Variants in UNC13A observed in about 807,000 individuals in gnomAD.
UNC13A encodes protein unc-13 homolog A.
UNC13A carries 61 observed loss-of-function variants against 219.7 expected under a neutral mutation model. The ratio of observed to expected loss-of-function variants is 0.28; its 90% CI spans 0.23 to 0.34. The LOEUF (loss-of-function observed/expected upper bound fraction) is 0.34, where lower values mean the gene tolerates loss of function less well. Among genes scored for constraint, UNC13A ranks in the 10% least tolerant of loss-of-function variants. The pLI, the probability that UNC13A is intolerant of heterozygous loss-of-function variation, is 1.00. For missense variants in UNC13A, 1,476 were observed against 2,270.3 expected (o/e 0.65, Z 7.11); for synonymous variants, 920 against 884.6 (o/e 1.04, Z -0.71).
intron 38 of UNC13A, 114 bp downstream of exon 38, chr19:17,620,579 C>G: frequency 1.0e-6 from 1 of 964,466 alleles, no homozygotes; most frequent in Non-Finnish European, 1.5e-6. Flanking sequence ...GACCAACAGA[C>G]AGGTTCACAG....
chr19:17,666,146 TTCCTC>T (rs1419741235), intron 7 of UNC13A, among the ~76,000 whole-genome samples: 14 of 151,020 alleles, frequency 9.3e-5, no homozygotes, highest in African/African-American at 3.2e-4. Flanking sequence ...CTTTCTTTCT[TTCCTC>T]TCCTCTCCTT....
chr19:17,661,893 A>G (rs573919496), intron 8 of UNC13A, among the ~76,000 whole-genome samples: 1 of 152,078 alleles, frequency 6.6e-6, no homozygotes, highest in Non-Finnish European at 1.5e-5. Flanking sequence ...GTTGCTCCCC[A>G]TCACTCACAT....
chr19:17,619,591 A>G (rs1282097020), intron 38 of UNC13A, among the ~76,000 whole-genome samples: 1 of 151,906 alleles, frequency 6.6e-6, no homozygotes, highest in Admixed American at 6.6e-5. Flanking sequence ...CACCATATCC[A>G]GCTAGTTTTT....
At chr19:17,675,982 C>A in intron 2 of UNC13A, 30 bp downstream of exon 2, 1 of 1,550,610 alleles carries the variant, frequency 6.4e-7, no homozygotes, top group African/African-American at 1.4e-5. Flanking sequence ...ACAGACAACA[C>A]GGGACAGGAC....
At position 17,688,076 on chromosome 19, in the gene UNC13A, C is replaced by G. The variant is rs2080148714; in HGVS notation, c.22+102G>C. The G allele has an allele frequency of 2.8e-6, 4 of 1,420,420 alleles. No homozygotes were observed. The South Asian group carries it at 5.5e-5, about 20-fold the overall frequency. 88.0% of individuals were successfully genotyped at this position (1,420,420 alleles called of 1,614,324 possible). ...CCTCTCAAAAGTCCAGCCACCTGGA[C>G]TCGGGTCACCCCCCAGGAACCCCCT... On this transcript the variant is annotated intron_variant, in intron 1 of 43. Coordinates refer to ENST00000519716, the MANE Select transcript of UNC13A (RefSeq NM_001080421.3).
At chr19:17,686,254 C>T (rs1446884464) in intron 1 of UNC13A, among the ~76,000 whole-genome samples, 2 of 148,688 alleles carry the variant, frequency 1.3e-5, no homozygotes, top group Non-Finnish European at 3.0e-5. Context: ...GCCACCCCCG[C>T]AGCCGAGCCT....
chr19:17,620,790 C>T (rs1474766921), intron 37 of UNC13A, 68 bp from the exon 38 acceptor site: 2 of 1,566,712 alleles, frequency 1.3e-6, no homozygotes, highest in Non-Finnish European at 1.8e-6. Context: ...TGGGACTTCC[C>T]TGCCCCCTCA....
chr19:17,619,710 G>A (rs2076707816), intron 38 of UNC13A, among the ~76,000 whole-genome samples: 1 of 152,100 alleles, frequency 6.6e-6, no homozygotes, highest in African/African-American at 2.4e-5. Flanking sequence ...TGGGATTACA[G>A]GCGTGAGCCA....
intron 35 of UNC13A, among the ~76,000 whole-genome samples, chr19:17,624,081 C>A (rs1197319042): frequency 6.6e-6 from 1 of 151,900 alleles, no homozygotes; most frequent in Admixed American, 6.6e-5. Context: ...TTGAATGAGC[C>A]CCAAAGCCCT....
intron 38 of UNC13A, 170 bp from the exon 39 acceptor site, chr19:17,619,132 T>G: frequency 1.6e-6 from 1 of 640,542 alleles, no homozygotes; most frequent in Non-Finnish European, 2.7e-6. Context: ...GTGGTGACCT[T>G]GTCCCTGAAA....
chr19:17,632,687 G>A (rs2076869325), intron 28 of UNC13A, 95 bp downstream of exon 28: 7 of 1,575,514 alleles, frequency 4.4e-6, no homozygotes, highest in Non-Finnish European at 6.1e-6. Context: ...TGATGCCCAG[G>A]TAACCCTAAG....
At position 17,627,452 on chromosome 19, in the gene UNC13A, T is replaced by A. The variant is rs1216370864; in HGVS notation, c.3920+57A>T. On this transcript the variant is annotated intron_variant, in intron 33 of 43. Coordinates refer to ENST00000519716, the MANE Select transcript of UNC13A (RefSeq NM_001080421.3). This position sits in a 1 kb window ranked among gnomAD's most constrained non-coding sequence, Gnocchi z 4.7. ...TGCTGAGCCTCCAGATGCCCCAGGC[T>A]TAGAGGGCTGAAGGCTGTTCCCTCC... is the stretch of plus-strand genomic sequence containing the variant. The A allele has an allele frequency of 7.2e-7, 1 of 1,379,712 alleles. No homozygotes were observed. Among genetic ancestry groups the A allele is most frequent in the African/African-American group, 1.4e-5 (1 of 69,590 alleles). 85.5% of individuals were successfully genotyped at this position (1,379,712 alleles called of 1,614,324 possible).
Position 17,627,568 on chromosome 19 carries a change from C to T in UNC13A, c.3861G>A (p.Lys1287=), listed in dbSNP as rs1468190428. ...ELDAEASDIL[K]ELQVKLNNVL... ...CGTTATTGAGTTTCACCTGAAGCTCCTTCAGGATGTCACTGGCTTCAGCAT... is the reference window on the plus strand; with the variant it reads ...CGTTATTGAGTTTCACCTGAAGCTCTTTCAGGATGTCACTGGCTTCAGCAT... The change falls in exon 33 of 44, where the codon AAG becomes AAA. Residue 1287 remains lysine, a synonymous_variant. Transcript: ENST00000519716. The surrounding 1 kb of genome is among the most constrained non-coding windows in gnomAD (Gnocchi z 4.7). 2 of 1,563,114 alleles carry T rather than the reference C, an allele frequency of 1.3e-6. No homozygotes were observed. Among genetic ancestry groups the T allele is most frequent in the Non-Finnish European group, 1.7e-6 (2 of 1,152,806 alleles).
In UNC13A at chr19:17,660,231, G is replaced by T. The variant is rs181775947; in HGVS notation, c.560-1962C>A. 2.6e-5 allele frequency among the ~76,000 whole-genome samples: 4 copies of T among 152,048 alleles called. No homozygotes were observed. The East Asian group carries it at 7.7e-4, about 29-fold the overall frequency. On this transcript the variant is annotated intron_variant, in intron 8 of 43. Transcript: ENST00000519716. ...CTTTCTATCCAATTGTCCTTGACCG[G>T]GCTGAGATGTTTCCAGCCAAATTGC...
intron 8 of UNC13A, among the ~76,000 whole-genome samples, chr19:17,662,150 C>G (rs146015119): frequency 1.3e-5 from 2 of 151,512 alleles, no homozygotes; most frequent in South Asian, 2.1e-4. Context: ...GGCTCAGGTA[C>G]GAGAATCACT....
rs545103405 is a variant in UNC13A, at chr19:17,611,632, G to A, written c.4651+131C>T. The A allele has an allele frequency of 5.9e-5, 43 of 729,608 alleles. 2 individuals carry two copies. The South Asian group carries it at 7.9e-4, about 13-fold the overall frequency. 45.2% of individuals were successfully genotyped at this position (729,608 alleles called of 1,614,324 possible). On this transcript the variant is annotated intron_variant, in intron 42 of 43. Coordinates refer to ENST00000519716, the MANE Select transcript of UNC13A (RefSeq NM_001080421.3). ...GCTGGATCCAGCCATGCCTGAAGGT[G>A]GCCACCTTTGGACGTTTCCGTTTCA...
intron 36 of UNC13A, 44 bp downstream of exon 36, chr19:17,623,498 C>T: frequency 6.6e-7 from 1 of 1,515,862 alleles, no homozygotes; most frequent in South Asian, 1.2e-5. Context: ...AGTCCAGACA[C>T]AGAGAGGACG....
Position 17,606,054 on chromosome 19 carries a change from CTAAG to C in UNC13A, c.5108_5111del (p.Pro1703ArgfsTer48). On this transcript the variant is annotated frameshift_variant and stop_lost, in exon 44 of 44. Coordinates refer to ENST00000519716, the MANE Select transcript of UNC13A (RefSeq NM_001080421.3). LOFTEE classifies it high-confidence loss of function. ...AGTGCCGCTCGGCCGACCGCCCGCG[CTAAG>C]GCGCAGGCGCGGCACCGCCCTCCTC... is the stretch of plus-strand genomic sequence containing the variant. The C allele has an allele frequency of 5.8e-6, 9 of 1,544,320 alleles. No individual in the cohort carries two copies. Among genetic ancestry groups the C allele is most frequent in the Non-Finnish European group, 7.8e-6 (9 of 1,151,240 alleles).
At chr19:17,667,176 G>A (rs148121288) in intron 6 of UNC13A, among the ~76,000 whole-genome samples, 1,582 of 152,090 alleles carry the variant, frequency 0.01, 15 homozygotes, top group Middle Eastern at 0.037. Context: ...ACTTGAACCC[G>A]GGAGGTGGAG....
Sources: gnomAD v4.1 joint callset for allele counts (sites outside exome capture counted in the v4.1 genomes callset) on GRCh38, gnomAD v4.1.1 for gene constraint, Gnocchi (gnomAD v3.1) non-coding constraint, MANE v1.5 for transcripts, NCBI Gene and HGNC (gene_info 2026-07-23, HGNC 2026-07-21) for gene names.